CLDN14: variants seen among roughly 807,000 people sequenced by gnomAD.
The protein encoded by CLDN14 is claudin-14.
In CLDN14, 2 loss-of-function variants were observed where a neutral mutation model predicts 2.1. The observed-to-expected ratio is 0.96, with a 90% CI of 0.39 to 3.01. CLDN14 has a LOEUF of 3.01. Among genes scored for constraint, CLDN14 ranks in the 30% most tolerant of loss-of-function variants. The pLI is 0.09. For synonymous variants in CLDN14, 136 were observed against 154.4 expected (o/e 0.88, Z 0.88); for missense variants, 298 against 328.0 (o/e 0.91, Z 0.71).
rs2146517553 is a variant in CLDN14 at position 36,551,608 on chromosome 21, G to C, written c.-220+24803C>G. ...TGCTGGTCTTGTGATCTGGATCTGA[G>C]ATGCCGCCTTGGGTGGTGGGTAGAG... On this transcript the variant is annotated intron_variant, in intron 1 of 2. Coordinates refer to the CLDN14 transcript ENST00000342108. The surrounding 1 kb of genome is among the most constrained non-coding windows in gnomAD (Gnocchi z 4.8). Among the ~76,000 whole-genome samples, 1 of 152,294 alleles carries C rather than the reference G, an allele frequency of 6.6e-6. No homozygotes were observed. The highest frequency in any genetic ancestry group is 3.4e-3 in the Middle Eastern group (1 of 294).
intron 2 of CLDN14, among the ~76,000 whole-genome samples, chr21:36,505,574 C>T (rs2087125556): frequency 6.6e-6 from 1 of 152,202 alleles, no homozygotes; most frequent in African/African-American, 2.4e-5. Context: ...CCACAGTCAG[C>T]AGCTCACCAG....
chr21:36,569,899 A>G (rs2087697112), intron 1 of CLDN14, among the ~76,000 whole-genome samples: 1 of 152,240 alleles, frequency 6.6e-6, no homozygotes, highest in Admixed American at 6.5e-5. Context: ...ACGCAAAAGT[A>G]TCTGAGACAG....
intron 1 of CLDN14, among the ~76,000 whole-genome samples, chr21:36,568,512 A>G (rs1196606929): frequency 1.3e-5 from 2 of 152,112 alleles, no homozygotes. Context: ...GCAGTGGGGG[A>G]CAGTTCCGAC....
intron 1 of CLDN14, among the ~76,000 whole-genome samples, chr21:36,534,555 T>C (rs1440470849): frequency 6.6e-6 from 1 of 152,174 alleles, no homozygotes; most frequent in Non-Finnish European, 1.5e-5. Flanking sequence ...GCCTTGTGTG[T>C]GGGGTGAGCG....
chr21:36,574,601 A>G (rs1381221504), intron 1 of CLDN14, among the ~76,000 whole-genome samples: 3 of 152,242 alleles, frequency 2.0e-5, no homozygotes, highest in African/African-American at 7.2e-5. Context: ...GGTGTGTTCA[A>G]AAATGTTTTA....
chr21:36,569,963 CAG>C (rs1325564212), intron 1 of CLDN14, among the ~76,000 whole-genome samples: 1 of 152,232 alleles, frequency 6.6e-6, no homozygotes, highest in Non-Finnish European at 1.5e-5. Flanking sequence ...ACACCTGTGA[CAG>C]AGCCTCAGGA....
At chr21:36,523,761 A>AAAAGAAAGAACGAG (rs1568868797) in intron 1 of CLDN14, among the ~76,000 whole-genome samples, 1 of 47,978 alleles carries the variant, frequency 2.1e-5, no homozygotes, top group African/African-American at 7.8e-5. Flanking sequence ...AAAAAAAAAA[A>AAAAGAAAGAACGAG]AGAAAGAAAG....
At chr21:36,505,023 C>T (rs2087119898) in intron 2 of CLDN14, among the ~76,000 whole-genome samples, 1 of 152,168 alleles carries the variant, frequency 6.6e-6, no homozygotes, top group South Asian at 2.1e-4. Context: ...GGGTGAGAAT[C>T]ACTTTTTCAG....
At chr21:36,472,030 CAT>C (rs1491293870) in intron 1 of CLDN14, among the ~76,000 whole-genome samples, 3 of 152,224 alleles carry the variant, frequency 2.0e-5, no homozygotes, top group African/African-American at 7.2e-5. Context: ...ATATGCCAAA[CAT>C]GTGCTAAGTG....
intron 1 of CLDN14, among the ~76,000 whole-genome samples, chr21:36,571,921 A>C (rs2087712815): frequency 6.6e-6 from 1 of 152,228 alleles, no homozygotes; most frequent in Non-Finnish European, 1.5e-5. Context: ...AAAGCATGGC[A>C]GTGGATTTAA....
intron 1 of CLDN14, among the ~76,000 whole-genome samples, chr21:36,511,516 T>C (rs765232065): frequency 3.9e-5 from 6 of 152,210 alleles, no homozygotes; most frequent in Non-Finnish European, 7.3e-5. Context: ...TGCAATCAGC[T>C]GAGGAACGTA....
At chr21:36,565,216 G>A (rs2087664131) in intron 1 of CLDN14, among the ~76,000 whole-genome samples, 1 of 152,156 alleles carries the variant, frequency 6.6e-6, no homozygotes, top group Non-Finnish European at 1.5e-5. Context: ...GAGGTTGGCT[G>A]CACCCCTCAT....
intron 1 of CLDN14, among the ~76,000 whole-genome samples, chr21:36,549,435 GC>G (rs1324941347): frequency 6.6e-6 from 1 of 152,188 alleles, no homozygotes; most frequent in Non-Finnish European, 1.5e-5. Context: ...GGAGCGTGTG[GC>G]CCCCGGGTAA....
In CLDN14 at chr21:36,498,403, A is replaced by G. The variant is rs1367855047; in HGVS notation, c.-82+11960T>C. On this transcript the variant is annotated intron_variant, in intron 2 of 2. Coordinates refer to the CLDN14 transcript ENST00000342108. This position sits in a 1 kb window ranked among gnomAD's most constrained non-coding sequence, Gnocchi z 4.9. ...CCTTTTCTCTGGTCCTGGAAGATCT[A>G]TATGAACTTGTATTTTACATCTCTT... 6.6e-6 allele frequency among the ~76,000 whole-genome samples: 1 copy of G among 152,196 alleles called. No individual in the cohort carries two copies. The highest frequency in any genetic ancestry group is 1.5e-5 in the Non-Finnish European group (1 of 68,036).
intron 1 of CLDN14, among the ~76,000 whole-genome samples, chr21:36,475,605 C>CA (rs2086768146): frequency 2.6e-5 from 4 of 152,184 alleles, no homozygotes; most frequent in Admixed American, 2.6e-4. Context: ...GGCTGGAGTG[C>CA]AGTGGCACAA....
intron 1 of CLDN14, among the ~76,000 whole-genome samples, chr21:36,571,856 G>C (rs1310964170): frequency 6.6e-6 from 1 of 152,056 alleles, no homozygotes; most frequent in Non-Finnish European, 1.5e-5. Context: ...CAACCCCTAC[G>C]TTTCTAAGGT....
chr21:36,530,137 A>G (rs2146500523), intron 1 of CLDN14, among the ~76,000 whole-genome samples: 1 of 152,350 alleles, frequency 6.6e-6, no homozygotes, highest in East Asian at 1.9e-4. Context: ...TTATTTTTTA[A>G]AAAAACAAAC....
Position 36,537,451 on chromosome 21 carries a change from T to C in CLDN14, c.-219-26951A>G, listed in dbSNP as rs2087433064. On this transcript the variant is annotated intron_variant, in intron 1 of 2. Coordinates refer to the CLDN14 transcript ENST00000342108. ...GCTATAAAAGATGTTTTGGATGCAA[T>C]TGGGAAAACGTGAATATGAACTGGA... 2.6e-5 allele frequency among the ~76,000 whole-genome samples: 4 copies of C among 152,148 alleles called. No homozygotes were observed. The South Asian group carries it at 8.3e-4, about 32-fold the overall frequency.
chr21:36,509,626 C>G lies in CLDN14; in HGVS notation c.-82+737G>C, dbSNP rs1472971617. On this transcript the variant is annotated intron_variant, in intron 2 of 2. Transcript: ENST00000342108. ...TATTTATTTATTTTTGAGACTGGGT[C>G]TCACTCTGTCACAGGCTGGAGTGCA... 3.3e-5 allele frequency among the ~76,000 whole-genome samples: 5 copies of G among 152,256 alleles called. No homozygotes were observed. The East Asian group carries it at 5.8e-4, about 18-fold the overall frequency.
Sources: allele counts gnomAD v4.1 joint callset (sites outside exome capture counted in the v4.1 genomes callset), GRCh38; gene constraint gnomAD v4.1.1; non-coding constraint Gnocchi (gnomAD v3.1); transcripts MANE v1.5; gene names NCBI Gene and HGNC (gene_info 2026-07-23, HGNC 2026-07-21).